Variants in FTCDNL1 observed in about 807,000 individuals in gnomAD.
FTCDNL1 encodes formiminotransferase N-terminal subdomain-containing protein.
Under a neutral mutation model 5.9 loss-of-function variants are expected in FTCDNL1, and 11 were observed. The observed-to-expected ratio is 1.87, with a 90% CI of 1.18 to 3.10. FTCDNL1 has a LOEUF of 3.10. Ranked by LOEUF, FTCDNL1 falls within the 30% of genes most tolerant of loss-of-function variation. The probability of loss-of-function intolerance (pLI) is 0.00; values close to 1 mark genes in which losing one functional copy is unlikely to be tolerated. For missense variants in FTCDNL1, 115 were observed against 65.5 expected (o/e 1.76, Z -2.61); for synonymous variants, 58 against 24.8 (o/e 2.34, Z -3.99).
chr2:199,774,901 C>T (rs1480240234), intron 3 of FTCDNL1, among the ~76,000 whole-genome samples: 1 of 152,184 alleles, frequency 6.6e-6, no homozygotes, highest in East Asian at 1.9e-4. Context: ...CATGAGATTG[C>T]AGTCCACAAC....
the FTCDNL1 span, among the ~76,000 whole-genome samples, chr2:199,721,198 T>C: frequency 1.3e-5 from 2 of 152,214 alleles, no homozygotes; most frequent in Admixed American, 1.3e-4. Context: ...GCCATAGTGG[T>C]TTGCTGCACC....
chr2:199,788,473 G>A (rs532642353), intron 3 of FTCDNL1, among the ~76,000 whole-genome samples: 1 of 152,132 alleles, frequency 6.6e-6, no homozygotes, highest in Non-Finnish European at 1.5e-5. Context: ...GAATAAGCCT[G>A]AAGTAAATCC....
chr2:199,666,472 A>T, the FTCDNL1 span, among the ~76,000 whole-genome samples: 1 of 152,246 alleles, frequency 6.6e-6, no homozygotes, highest in Non-Finnish European at 1.5e-5. Context: ...AAAAATGGTC[A>T]CACTGCCTTT....
intron 3 of FTCDNL1, among the ~76,000 whole-genome samples, chr2:199,841,031 A>G (rs1279843249): frequency 6.6e-6 from 1 of 152,052 alleles, no homozygotes; most frequent in Non-Finnish European, 1.5e-5. Flanking sequence ...TGCACCTGTG[A>G]TCACAGCTAC....
At chr2:199,701,526 C>G in the FTCDNL1 span, among the ~76,000 whole-genome samples, 9 of 152,088 alleles carry the variant, frequency 5.9e-5, no homozygotes, top group African/African-American at 2.2e-4. Flanking sequence ...CATCACAGCA[C>G]TGTTCACAAT....
chr2:199,811,279 T>C lies in FTCDNL1; in HGVS notation c.*1426A>G, dbSNP rs767626149. On this transcript the variant is annotated 3_prime_UTR_variant, in exon 5 of 5. Transcript: ENST00000420128. ...TAATTGGAATTTTTGTCAATCTTAA[T>C]GTTGCCACTCTTTAACAGAAAACTT... Among the ~76,000 whole-genome samples, 8 of 152,248 alleles carry C rather than the reference T, an allele frequency of 5.3e-5. No homozygotes were observed. Among genetic ancestry groups the C allele is most frequent in the Non-Finnish European group, 1.0e-4 (7 of 68,040 alleles).
chr2:199,772,775 C>T (rs1464167652), intron 3 of FTCDNL1, among the ~76,000 whole-genome samples: 1 of 152,180 alleles, frequency 6.6e-6, no homozygotes, highest in Non-Finnish European at 1.5e-5. Flanking sequence ...CAAGATAAGA[C>T]CTTAAATGTA....
At chr2:199,775,153 G>A (rs775441115) in intron 3 of FTCDNL1, among the ~76,000 whole-genome samples, 6 of 152,280 alleles carry the variant, frequency 3.9e-5, no homozygotes, top group East Asian at 1.9e-4. Context: ...CATTGTCTGC[G>A]TTCTCCAACC....
chr2:199,785,636 T>C (rs1206594753), intron 3 of FTCDNL1: 2 of 152,138 alleles, frequency 1.3e-5, no homozygotes, highest in Admixed American at 1.3e-4. Flanking sequence ...TTGGCAGCAA[T>C]TCACATGATT....
the FTCDNL1 span, among the ~76,000 whole-genome samples, chr2:199,751,161 A>G: frequency 1.3e-5 from 2 of 152,312 alleles, no homozygotes; most frequent in Non-Finnish European, 2.9e-5. Flanking sequence ...AAAATAGCAA[A>G]ATAATGCAGG....
intron 3 of FTCDNL1, among the ~76,000 whole-genome samples, chr2:199,823,349 A>C (rs1476178268): frequency 6.6e-6 from 1 of 152,184 alleles, no homozygotes; most frequent in Admixed American, 6.5e-5. Flanking sequence ...AAGAATCATG[A>C]ATGTTCTTAA....
At chr2:199,792,807 C>G (rs1699995235) in intron 3 of FTCDNL1, among the ~76,000 whole-genome samples, 1 of 152,102 alleles carries the variant, frequency 6.6e-6, no homozygotes, top group Non-Finnish European at 1.5e-5. Context: ...ACCTTTGTAT[C>G]CAAAGCAAGA....
chr2:199,815,280 A>C (rs1701285318), intron 4 of FTCDNL1, among the ~76,000 whole-genome samples: 1 of 152,146 alleles, frequency 6.6e-6, no homozygotes, highest in Admixed American at 6.5e-5. Flanking sequence ...GGTGTTAATC[A>C]TTTCTGAGCT....
chr2:199,813,270 A>G (rs1701143868), intron 4 of FTCDNL1, among the ~76,000 whole-genome samples: 1 of 152,236 alleles, frequency 6.6e-6, no homozygotes, highest in Non-Finnish European at 1.5e-5. Context: ...ACTCAGAAGA[A>G]ACACATGTAT....
the FTCDNL1 span, among the ~76,000 whole-genome samples, chr2:199,749,206 A>G: frequency 6.6e-6 from 1 of 152,096 alleles, no homozygotes; most frequent in African/African-American, 2.4e-5. Flanking sequence ...CAATGACAAC[A>G]TGTGTGACCT....
the FTCDNL1 span, among the ~76,000 whole-genome samples, chr2:199,719,370 G>A: frequency 3.3e-5 from 5 of 151,822 alleles, no homozygotes; most frequent in East Asian, 1.9e-4. Flanking sequence ...CCTTATTTTC[G>A]GGTTCCTATT....
At chr2:199,669,857 A>G in the FTCDNL1 span, among the ~76,000 whole-genome samples, 1 of 139,388 alleles carries the variant, frequency 7.2e-6, no homozygotes, top group Non-Finnish European at 1.5e-5. Context: ...ATAATATTTT[A>G]TACAAGATTT....
intron 3 of FTCDNL1, among the ~76,000 whole-genome samples, chr2:199,769,234 T>C (rs1420382860): frequency 6.6e-6 from 1 of 152,170 alleles, no homozygotes; most frequent in Non-Finnish European, 1.5e-5. Context: ...GAAGGAGTGA[T>C]GTGGTTTGGC....
intron 4 of FTCDNL1, among the ~76,000 whole-genome samples, chr2:199,816,340 G>C (rs1461284149): frequency 6.6e-6 from 1 of 152,038 alleles, no homozygotes; most frequent in African/African-American, 2.4e-5. Context: ...AAGGCATATA[G>C]GGGAAAAGCT....
Sources: allele counts gnomAD v4.1 joint callset (sites outside exome capture counted in the v4.1 genomes callset), GRCh38; gene constraint gnomAD v4.1.1; transcripts MANE v1.5; gene names NCBI Gene and HGNC (gene_info 2026-07-23, HGNC 2026-07-21).